The following TBC1D22A variants were observed in gnomAD, a reference collection of about 807,000 sequenced individuals.
TBC1D22A encodes putative GTPase activator.
In TBC1D22A, 38 loss-of-function variants were observed where a neutral mutation model predicts 60.2. The observed-to-expected ratio is 0.63, with a 90% CI of 0.49 to 0.83. The LOEUF is 0.83. TBC1D22A is among the 40% of genes least tolerant of loss of function. The pLI is 0.00. For synonymous variants in TBC1D22A, 302 were observed against 281.7 expected, an observed-to-expected ratio of 1.07 and a Z score of -0.72; for missense variants, 628 against 701.0, an observed-to-expected ratio of 0.90 and a Z score of 1.18.
intron 5 of TBC1D22A, among the ~76,000 whole-genome samples, chr22:46,884,912 C>T (rs2068035490): frequency 6.6e-6 from 1 of 152,206 alleles, no homozygotes; most frequent in South Asian, 2.1e-4. Flanking sequence ...GCCTCTTGGT[C>T]AGAGAGGCAG....
chr22:46,886,466 G>A (rs1430918485), intron 5 of TBC1D22A, among the ~76,000 whole-genome samples: 9 of 152,178 alleles, frequency 5.9e-5, no homozygotes, highest in South Asian at 4.1e-4. Context: ...CGTCTGACAC[G>A]CGTGTAACCA....
At chr22:46,898,354 T>C (rs888435730) in intron 7 of TBC1D22A, among the ~76,000 whole-genome samples, 1 of 152,084 alleles carries the variant, frequency 6.6e-6, no homozygotes, top group African/African-American at 2.4e-5. Flanking sequence ...TTTTAGGAGG[T>C]TTATTTGCCA....
intron 12 of TBC1D22A, among the ~76,000 whole-genome samples, chr22:47,132,468 C>T (rs1023913141): frequency 6.6e-5 from 10 of 152,214 alleles, no homozygotes; most frequent in Middle Eastern, 3.2e-3. Flanking sequence ...GGCACATGCC[C>T]GCTGCTACCT....
chr22:46,854,835 C>T (rs6008996), intron 4 of TBC1D22A, among the ~76,000 whole-genome samples: 2,335 of 152,194 alleles, frequency 0.015, 64 homozygotes, highest in African/African-American at 0.053. Flanking sequence ...CTCCTAATTA[C>T]GTGTTCATCC....
intron 4 of TBC1D22A, among the ~76,000 whole-genome samples, chr22:46,829,105 C>T (rs1226589737): frequency 6.6e-6 from 1 of 152,222 alleles, no homozygotes; most frequent in Non-Finnish European, 1.5e-5. Context: ...TGCTTCGCTT[C>T]TGTGCATTCT....
At chr22:46,787,346 T>A (rs968597236) in intron 1 of TBC1D22A, among the ~76,000 whole-genome samples, 2 of 152,182 alleles carry the variant, frequency 1.3e-5, no homozygotes, top group African/African-American at 4.8e-5. Flanking sequence ...CTCCGTGGAG[T>A]CCTGCTATGG....
intron 11 of TBC1D22A, among the ~76,000 whole-genome samples, chr22:47,038,790 C>T (rs1470155626): frequency 6.6e-6 from 1 of 152,204 alleles, no homozygotes; most frequent in Non-Finnish European, 1.5e-5. Flanking sequence ...TCATTCGTGT[C>T]CGCGACTTGG....
chr22:47,153,333 G>T (rs1168308581), intron 12 of TBC1D22A, among the ~76,000 whole-genome samples: 2 of 152,198 alleles, frequency 1.3e-5, no homozygotes, highest in Non-Finnish European at 2.9e-5. Context: ...AGCAGGGCTT[G>T]TGCCTCCTTT....
At chr22:46,934,062 T>A (rs2071506589) in intron 8 of TBC1D22A, among the ~76,000 whole-genome samples, 1 of 152,246 alleles carries the variant, frequency 6.6e-6, no homozygotes, top group African/African-American at 2.4e-5. Flanking sequence ...ATCTTTATCT[T>A]CTCGAAAGGA....
At chr22:47,133,079 G>A (rs1248126737) in intron 12 of TBC1D22A, among the ~76,000 whole-genome samples, 2 of 152,222 alleles carry the variant, frequency 1.3e-5, no homozygotes, top group Admixed American at 6.5e-5. Flanking sequence ...ATGTTTAGGC[G>A]ACGCCTGTAA....
chr22:47,158,509 C>G (rs997609603), intron 12 of TBC1D22A, among the ~76,000 whole-genome samples: 1 of 152,146 alleles, frequency 6.6e-6, no homozygotes, highest in Non-Finnish European at 1.5e-5. Context: ...TACCCAGCCC[C>G]GACAGGTTCT....
At chr22:47,121,198 CT>C (rs1161069184) in intron 12 of TBC1D22A, among the ~76,000 whole-genome samples, 1 of 152,244 alleles carries the variant, frequency 6.6e-6, no homozygotes, top group East Asian at 1.9e-4. Context: ...CAAATGCTCT[CT>C]CAAATAAGCA....
At chr22:47,120,590 AG>A (rs2066236711) in intron 12 of TBC1D22A, among the ~76,000 whole-genome samples, 1 of 152,238 alleles carries the variant, frequency 6.6e-6, no homozygotes, top group South Asian at 2.1e-4. Context: ...GCAGGGTAGA[AG>A]GCCTGGGGCT....
intron 10 of TBC1D22A, among the ~76,000 whole-genome samples, chr22:47,016,839 C>T (rs1434576207): frequency 6.7e-6 from 1 of 149,272 alleles, no homozygotes; most frequent in African/African-American, 2.6e-5. Context: ...GGCCTGCCTC[C>T]TGCAGAGCTG....
intron 10 of TBC1D22A, among the ~76,000 whole-genome samples, chr22:47,002,585 A>G (rs2061438958): frequency 6.6e-6 from 1 of 152,248 alleles, no homozygotes; most frequent in Non-Finnish European, 1.5e-5. Flanking sequence ...GATTATGTCC[A>G]TTCTTGATTT....
chr22:46,904,774 A>T (rs1468433798), intron 7 of TBC1D22A, among the ~76,000 whole-genome samples: 21 of 136,370 alleles, frequency 1.5e-4, no homozygotes, highest in African/African-American at 2.5e-4. Flanking sequence ...GGCCGAGAAA[A>T]TTTTTTTTTT....
At chr22:46,953,051 G>A (rs1184606579) in intron 8 of TBC1D22A, among the ~76,000 whole-genome samples, 1 of 152,206 alleles carries the variant, frequency 6.6e-6, no homozygotes, top group Non-Finnish European at 1.5e-5. Flanking sequence ...GGAAGTCACT[G>A]TGTGCAGCCC....
chr22:46,940,097 G>A (rs574516615), intron 8 of TBC1D22A, among the ~76,000 whole-genome samples: 52 of 152,264 alleles, frequency 3.4e-4, no homozygotes, highest in African/African-American at 1.2e-3. Flanking sequence ...GTTATGTTTT[G>A]TACTATACTG....
At position 46,873,860 on chromosome 22, in the gene TBC1D22A, G is replaced by C. The variant is rs536294833; in HGVS notation, c.638-4793G>C. 2.8e-4 allele frequency among the ~76,000 whole-genome samples: 42 copies of C among 151,626 alleles called. 1 individual carries two copies. In the East Asian group the frequency reaches 6.6e-3, roughly 24 times the overall value. ...CAAGGCTGGAGAGGTGCAGTGGCAC[G>C]ATCTCAGCTCACTACAAGCTCCACC... On this transcript the variant is annotated intron_variant, in intron 4 of 12. Transcript: ENST00000337137.
Sources: allele counts gnomAD v4.1 joint callset (sites outside exome capture counted in the v4.1 genomes callset), GRCh38; gene constraint gnomAD v4.1.1; transcripts MANE v1.5; gene names NCBI Gene and HGNC (gene_info 2026-07-23, HGNC 2026-07-21).